LAMA3: variants seen among roughly 807,000 people sequenced by gnomAD.
LAMA3 encodes laminin subunit alpha-3.
LAMA3 carries 281 observed loss-of-function variants against 402.0 expected under a neutral mutation model. The ratio of observed to expected loss-of-function variants is 0.70; its 90% CI spans 0.63 to 0.77. LAMA3 has a LOEUF of 0.77. Ranked by LOEUF, LAMA3 falls within the 30% of genes least tolerant of loss-of-function variation. LAMA3 has a pLI of 0.00. For missense variants in LAMA3, 3,840 were observed against 4,215.5 expected (o/e 0.91, Z 2.47); for synonymous variants, 1,431 against 1,558.4 (o/e 0.92, Z 1.93).
intron 12 of LAMA3, among the ~76,000 whole-genome samples, chr18:23,788,539 G>A (rs1399381114): frequency 6.6e-6 from 1 of 151,706 alleles, no homozygotes; most frequent in African/African-American, 2.4e-5. Context: ...ATGCAAAAGG[G>A]CCAAGGTAAA....
In LAMA3 at chr18:23,838,843, C is replaced by T. The variant is rs1398277613; in HGVS notation, c.3156C>T (p.His1052=). 1.9e-6 allele frequency: 3 copies of T among 1,611,776 alleles called. No homozygotes were observed. The highest frequency in any genetic ancestry group is 2.7e-5 in the African/African-American group (2 of 74,996). The change falls in exon 26 of 75, where the codon CAC becomes CAT. Residue 1052 remains histidine, a synonymous_variant. Transcript: ENST00000313654. The part of the protein sequence containing the change: ...FSAEYVRPQV[H]CIASYGRFVN... ...CTGAGTATGTGAGACCACAAGTCCA[C>T]TGCATTGCCAGTTATGGGCGATTTG...
intron 1 of LAMA3, among the ~76,000 whole-genome samples, chr18:23,690,296 G>C (rs1210454630): frequency 6.6e-6 from 1 of 152,210 alleles, no homozygotes; most frequent in Admixed American, 6.5e-5. Flanking sequence ...TCCCGCCTCC[G>C]TCACCCACGG....
At chr18:23,792,257 G>T (rs920252697) in intron 12 of LAMA3, among the ~76,000 whole-genome samples, 1 of 152,198 alleles carries the variant, frequency 6.6e-6, no homozygotes. Flanking sequence ...ATAAAGAAAA[G>T]ACGTTTATTT....
intron 60 of LAMA3, among the ~76,000 whole-genome samples, chr18:23,919,615 T>C (rs1722469681): frequency 6.6e-6 from 1 of 152,034 alleles, no homozygotes; most frequent in African/African-American, 2.4e-5. Context: ...AGGACAGCAT[T>C]TGAACAGGAC....
At chr18:23,913,878 A>G (rs932414311) in intron 56 of LAMA3, among the ~76,000 whole-genome samples, 1 of 152,256 alleles carries the variant, frequency 6.6e-6, no homozygotes, top group Non-Finnish European at 1.5e-5. Flanking sequence ...CTTAATGCCA[A>G]TGCACACTTA....
intron 24 of LAMA3, chr18:23,834,197 C>A: frequency 1.7e-6 from 1 of 595,052 alleles, no homozygotes. Flanking sequence ...GTGGCATTTT[C>A]TTAAAAAGCT....
chr18:23,723,889 T>A (rs1374891472), intron 2 of LAMA3, among the ~76,000 whole-genome samples: 1 of 152,174 alleles, frequency 6.6e-6, no homozygotes, highest in East Asian at 1.9e-4. Context: ...TTTAAAATTT[T>A]TATTTCTATA....
At chr18:23,905,476 G>A (rs532189579) in intron 51 of LAMA3, 46 bp from the exon 52 acceptor site, 66 of 1,057,638 alleles carry the variant, frequency 6.2e-5, no homozygotes, top group South Asian at 4.7e-4. Flanking sequence ...TCCATATTTC[G>A]TAACATATAG....
At chr18:23,727,619 C>T (rs749314302) in intron 2 of LAMA3, among the ~76,000 whole-genome samples, 46 of 151,974 alleles carry the variant, frequency 3.0e-4, no homozygotes, top group Non-Finnish European at 5.6e-4. Context: ...GCCACCTCCC[C>T]TGGCCCCTTG....
At chr18:23,753,993 AC>A (rs2061798366) in intron 6 of LAMA3, among the ~76,000 whole-genome samples, 181 bp downstream of exon 6, 1 of 151,870 alleles carries the variant, frequency 6.6e-6, no homozygotes, top group Non-Finnish European at 1.5e-5. Flanking sequence ...CTTTCACATA[AC>A]CCCTATAGGC....
At chr18:23,698,756 A>G (rs1415403937) in intron 1 of LAMA3, among the ~76,000 whole-genome samples, 3 of 152,196 alleles carry the variant, frequency 2.0e-5, no homozygotes, top group Non-Finnish European at 2.9e-5. Context: ...GCAAATATTT[A>G]TTGGCATCTA....
At position 23,730,939 on chromosome 18, in the gene LAMA3, G is replaced by A. The variant is rs184225157; in HGVS notation, c.447+16867G>A. 3.7e-3 allele frequency among the ~76,000 whole-genome samples: 559 copies of A among 152,168 alleles called. 4 individuals carry two copies. Among genetic ancestry groups the A allele is most frequent in the African/African-American group, 0.013 (536 of 41,504 alleles). On this transcript the variant is annotated intron_variant, in intron 2 of 74. Coordinates refer to ENST00000313654, the MANE Select transcript of LAMA3 (RefSeq NM_198129.4). ...TGCGGAAGACTCTGAAACTTTATGA[G>A]CTTACCAAGGCTTATTTCTTGGGTT...
In LAMA3 at chr18:23,954,641, A is replaced by C. The variant is rs1161875321; in HGVS notation, c.9995A>C (p.Asp3332Ala). The part of the protein sequence containing the change: ...QGPVSLNGCP[D>A]Q ...CCTGTCAGTCTGAATGGTTGTCCTG[A>C]CCAGTAACCCAAGCCTATTTCACAG... Residue 3332 changes from aspartate (D) to alanine (A), a missense_variant, in exon 75 of 75, where the codon GAC (aspartate) becomes GCC (alanine). Transcript: ENST00000313654. 1.2e-6 allele frequency: 2 copies of C among 1,614,052 alleles called. No homozygotes were observed. Among genetic ancestry groups the C allele is most frequent in the Non-Finnish European group, 1.7e-6 (2 of 1,179,978 alleles).
At chr18:23,792,413 AAG>A (rs1178321272) in intron 12 of LAMA3, among the ~76,000 whole-genome samples, 4 of 152,144 alleles carry the variant, frequency 2.6e-5, no homozygotes, top group Non-Finnish European at 5.9e-5. Flanking sequence ...GACAGGATGC[AAG>A]AGAGAGAGTC....
chr18:23,744,702 G>T (rs1461695327), intron 2 of LAMA3, among the ~76,000 whole-genome samples: 1 of 151,780 alleles, frequency 6.6e-6, no homozygotes, highest in African/African-American at 2.4e-5. Flanking sequence ...CGTGGTGGCA[G>T]GTGCCTGTGG....
chr18:23,728,334 A>G (rs751331130), intron 2 of LAMA3, among the ~76,000 whole-genome samples: 24 of 152,032 alleles, frequency 1.6e-4, no homozygotes, highest in Admixed American at 1.2e-3. Flanking sequence ...GGGCAAGGAC[A>G]ATGGGGCATT....
intron 32 of LAMA3, among the ~76,000 whole-genome samples, chr18:23,854,321 T>G (rs1473555097): frequency 6.6e-6 from 1 of 152,258 alleles, no homozygotes; most frequent in East Asian, 1.9e-4. Context: ...CAGGTACTCT[T>G]GTTCCTTTCC....
chr18:23,846,279 T>C lies in LAMA3; in HGVS notation c.3720-18T>C. The C allele has an allele frequency of 6.2e-7, 1 of 1,613,488 alleles. No individual in the cohort carries two copies. Among genetic ancestry groups the C allele is most frequent in the Non-Finnish European group, 8.5e-7 (1 of 1,179,494 alleles). On this transcript the variant is annotated intron_variant, in intron 30 of 74. Coordinates refer to ENST00000313654, the MANE Select transcript of LAMA3 (RefSeq NM_198129.4). ...ACACCTCCCCAGGCATCACCATGAG[T>C]TGTTTCTGTCTCCACAGCCCCCAGA...
Position 23,689,718 on chromosome 18 carries a change from T to A in LAMA3, c.35T>A (p.Leu12Gln), listed in dbSNP as rs769479220. ...AAAARPRGRA[L>Q]GPVLPPTPLL... ...GCCGCGCGGCCTCGGGGTCGGGCAC[T>A]GGGGCCAGTACTGCCGCCGACGCCG... Residue 12 changes from leucine (L) to glutamine (Q), a missense_variant, in exon 1 of 75, where the codon CTG (leucine) becomes CAG (glutamine). Around this residue, in one of 3 missense-constraint regions of LAMA3, gnomAD observed 2,109 missense variants for 2,376.0 expected, o/e 0.89. Coordinates refer to ENST00000313654, the MANE Select transcript of LAMA3 (RefSeq NM_198129.4). 2.3e-5 allele frequency: 32 copies of A among 1,402,704 alleles called. No individual in the cohort carries two copies. The South Asian group carries it at 4.9e-4, about 22-fold the overall frequency. 86.9% of individuals were successfully genotyped at this position (1,402,704 alleles called of 1,614,324 possible).
Sources: gnomAD v4.1 joint callset for allele counts (sites outside exome capture counted in the v4.1 genomes callset) on GRCh38, gnomAD v4.1.1 for gene constraint, gnomAD v4.1.1 regional missense constraint, MANE v1.5 for transcripts, NCBI Gene and HGNC (gene_info 2026-07-23, HGNC 2026-07-21) for gene names.